The following DLG2 variants were observed in gnomAD, a reference collection of about 807,000 sequenced individuals.
DLG2 encodes the protein discs large MAGUK scaffold protein 2, also known as disks large homolog 2.
A neutral mutation model predicts 132.5 loss-of-function variants in DLG2; 45 were observed. The ratio of observed to expected loss-of-function variants is 0.34; its 90% CI spans 0.27 to 0.44. The LOEUF is 0.44. Ranked by LOEUF, DLG2 falls within the 20% of genes least tolerant of loss-of-function variation. The pLI is 1.00. For missense variants in DLG2, 1,045 were observed against 1,196.9 expected (o/e 0.87, Z 1.87); for synonymous variants, 424 against 419.6 (o/e 1.01, Z -0.13).
At chr11:84,473,762 A>C (rs1019511915) in intron 7 of DLG2, among the ~76,000 whole-genome samples, 1 of 152,056 alleles carries the variant, frequency 6.6e-6, no homozygotes, top group Non-Finnish European at 1.5e-5. Context: ...TAAATACTTT[A>C]AGTCAGAGTA....
chr11:83,850,165 T>C (rs1247506898), intron 16 of DLG2, among the ~76,000 whole-genome samples: 1 of 148,008 alleles, frequency 6.8e-6, no homozygotes, highest in Non-Finnish European at 1.5e-5. Context: ...TGTGTGTTTT[T>C]TTACTTGAGA....
At chr11:83,685,089 C>A (rs952596341) in intron 18 of DLG2, among the ~76,000 whole-genome samples, 18 of 152,174 alleles carry the variant, frequency 1.2e-4, no homozygotes, top group Middle Eastern at 6.8e-3. Flanking sequence ...TTAAGCTTGA[C>A]AACAACTTTT....
intron 3 of DLG2, among the ~76,000 whole-genome samples, chr11:85,491,763 G>T (rs770425631): frequency 1.3e-5 from 2 of 152,064 alleles, no homozygotes; most frequent in African/African-American, 4.8e-5. Flanking sequence ...CAAATAAATA[G>T]AGAGATATCC....
At chr11:85,397,016 G>T (rs2087454956) in intron 3 of DLG2, among the ~76,000 whole-genome samples, 1 of 152,072 alleles carries the variant, frequency 6.6e-6, no homozygotes, top group African/African-American at 2.4e-5. Flanking sequence ...AAATATTAAG[G>T]GCATCCAAAG....
intron 19 of DLG2, among the ~76,000 whole-genome samples, chr11:83,551,875 C>G (rs2096399625): frequency 1.3e-5 from 2 of 152,082 alleles, no homozygotes; most frequent in Non-Finnish European, 2.9e-5. Context: ...GCCAGGCACT[C>G]TATAGTTTGT....
intron 19 of DLG2, among the ~76,000 whole-genome samples, chr11:83,566,545 A>G (rs1348162327): frequency 2.0e-5 from 3 of 152,154 alleles, no homozygotes; most frequent in Non-Finnish European, 4.4e-5. Context: ...AGAAAACCTC[A>G]TAGAGTTCCT....
At chr11:83,720,837 T>C (rs953509089) in intron 18 of DLG2, 5 of 148,844 alleles carry the variant, frequency 3.4e-5, no homozygotes, top group African/African-American at 1.2e-4. Flanking sequence ...CAGGTCTGAA[T>C]AGCCCTTGTG....
At chr11:84,091,569 A>G (rs924572552) in intron 10 of DLG2, among the ~76,000 whole-genome samples, 1 of 152,226 alleles carries the variant, frequency 6.6e-6, no homozygotes, top group Non-Finnish European at 1.5e-5. Flanking sequence ...GACCTGCAAC[A>G]GCAAGCTACT....
intron 4 of DLG2, among the ~76,000 whole-genome samples, chr11:85,206,330 C>A (rs1670603839): frequency 6.6e-6 from 1 of 152,022 alleles, no homozygotes; most frequent in Non-Finnish European, 1.5e-5. Flanking sequence ...TATAGAAATG[C>A]AAGAACAGAC....
intron 3 of DLG2, among the ~76,000 whole-genome samples, chr11:85,476,799 C>A (rs1273410393): frequency 2.6e-5 from 4 of 152,004 alleles, no homozygotes; most frequent in African/African-American, 9.7e-5. Flanking sequence ...ACAATGCCTT[C>A]TTCTAGAATA....
At chr11:85,377,628 A>G (rs1461861092) in intron 3 of DLG2, among the ~76,000 whole-genome samples, 1 of 151,984 alleles carries the variant, frequency 6.6e-6, no homozygotes, top group Non-Finnish European at 1.5e-5. Context: ...TCTGAGAGCT[A>G]ATTCATTCAA....
chr11:84,910,764 AC>A (rs1459841700), intron 6 of DLG2, among the ~76,000 whole-genome samples: 18 of 45,500 alleles, frequency 4.0e-4, no homozygotes, highest in Admixed American at 1.7e-3. Context: ...GGAAGAAAAA[AC>A]AACAACAACA....
chr11:83,559,673 C>A lies in DLG2; in HGVS notation c.1941-17815G>T, dbSNP rs535083690. On this transcript the variant is annotated intron_variant, in intron 19 of 27. Transcript: ENST00000376104. ...TATATTTCTTTGCATCTAGCTATAT[C>A]CATGAGCCTATAGTCTGACACATCA... 9.8e-5 allele frequency among the ~76,000 whole-genome samples: 15 copies of A among 152,336 alleles called. 2 individuals are homozygous for A. The highest frequency in any genetic ancestry group is 3.4e-4 in the African/African-American group (14 of 41,590).
At chr11:83,867,548 T>C (rs984622083) in intron 16 of DLG2, among the ~76,000 whole-genome samples, 1 of 152,168 alleles carries the variant, frequency 6.6e-6, no homozygotes, top group Admixed American at 6.6e-5. Flanking sequence ...ACAATAATGA[T>C]GATAGTGGAT....
At chr11:85,302,972 G>A (rs185062765) in intron 3 of DLG2, among the ~76,000 whole-genome samples, 49 of 152,240 alleles carry the variant, frequency 3.2e-4, no homozygotes, top group African/African-American at 6.7e-4. Context: ...AAATTGAGAC[G>A]GAGCAAAGTT....
chr11:84,370,114 CTCTT>C (rs1234819412), intron 7 of DLG2, among the ~76,000 whole-genome samples: 17 of 152,230 alleles, frequency 1.1e-4, no homozygotes, highest in Admixed American at 2.0e-4. Context: ...AGGATATCCC[CTCTT>C]TCTTGGCAAT....
chr11:83,639,683 A>AT (rs2065897289), intron 18 of DLG2, among the ~76,000 whole-genome samples: 2 of 151,904 alleles, frequency 1.3e-5, no homozygotes, highest in South Asian at 2.1e-4. Flanking sequence ...GGTGCAGCAC[A>AT]CCAACATGGC....
chr11:85,375,886 C>T (rs1453216283), intron 3 of DLG2, among the ~76,000 whole-genome samples: 1 of 151,984 alleles, frequency 6.6e-6, no homozygotes, highest in African/African-American at 2.4e-5. Context: ...GTTGACTCTC[C>T]CCAAGATAAG....
intron 9 of DLG2, among the ~76,000 whole-genome samples, chr11:84,122,681 T>C (rs1465734295): frequency 6.6e-6 from 1 of 152,238 alleles, no homozygotes; most frequent in Non-Finnish European, 1.5e-5. Flanking sequence ...AATAAACTAA[T>C]GTTCTTTTCA....
Sources: gnomAD v4.1 joint callset for allele counts (sites outside exome capture counted in the v4.1 genomes callset) on GRCh38, gnomAD v4.1.1 for gene constraint, MANE v1.5 for transcripts, NCBI Gene and HGNC (gene_info 2026-07-23, HGNC 2026-07-21) for gene names.